Variants in PLA2G1B observed in about 807,000 individuals in gnomAD.
The protein encoded by PLA2G1B is phospholipase A2.
PLA2G1B carries 12 observed loss-of-function variants against 12.5 expected under a neutral mutation model. The observed-to-expected ratio is 0.96, with a 90% CI of 0.62 to 1.56. PLA2G1B has a LOEUF of 1.56. Ranked by LOEUF, PLA2G1B falls within the 40% of genes most tolerant of loss-of-function variation. The probability of loss-of-function intolerance (pLI) is 0.00; values close to 1 mark genes in which losing one functional copy is unlikely to be tolerated. For missense variants in PLA2G1B, 189 were observed against 186.7 expected, an observed-to-expected ratio of 1.01 and a Z score of -0.07; for synonymous variants, 81 against 73.4, an observed-to-expected ratio of 1.10 and a Z score of -0.53.
chr12:120,323,915 A>G (rs1191390884), intron 3 of PLA2G1B, among the ~76,000 whole-genome samples: 1 of 152,162 alleles, frequency 6.6e-6, no homozygotes, highest in Admixed American at 6.6e-5. Context: ...TAAAAAAAGA[A>G]AAAGAAAGTT....
chr12:120,325,882 G>T lies in PLA2G1B; in HGVS notation c.173C>A (p.Thr58Asn), dbSNP rs375553961. 8 of 1,613,992 alleles carry T rather than the reference G, an allele frequency of 5.0e-6. No individual in the cohort carries two copies. The highest frequency in any genetic ancestry group is 4.4e-5 in the South Asian group (4 of 91,082). The stretch of plus-strand genomic sequence containing the variant: ...TTACTTGTCCAGTTCATCCACGGGG[G>T]TGCCTGAGCCCCCCAAGCCACAGTA... ...GCYCGLGGSG[T>N]PVDELDKCCQ... The change falls in exon 2 of 4, where the codon ACC becomes AAC. Residue 58 changes from threonine (T) to asparagine (N), a missense_variant. Physicochemically the swap from Thr to Asn is moderately conservative, Grantham distance 65 (BLOSUM62 0). Transcript: ENST00000308366.
In PLA2G1B at chr12:120,325,711, T is replaced by C. The variant is rs1048653634; in HGVS notation, c.194+150A>G. ...GGGTGCGTTCGCTACAGGGTCCTCT[T>C]GGAACATATTTGTTTATTTGACAAG... On this transcript the variant is annotated intron_variant, in intron 2 of 3. Transcript: ENST00000308366. 4.6e-5 allele frequency: 35 copies of C among 755,310 alleles called. 1 individual carries two copies. Among genetic ancestry groups the C allele is most frequent in the Admixed American group, 8.8e-5 (3 of 33,978 alleles). 46.8% of individuals were successfully genotyped at this position (755,310 alleles called of 1,614,324 possible). A position where few individuals can be genotyped will look rare whatever the true frequency, so the allele number is the denominator to read the frequency against.
rs745859847 is a variant in PLA2G1B, at chr12:120,326,003, C to T, written c.52G>A (p.Gly18Ser). The stretch of plus-strand genomic sequence containing the variant: ...TGCCACACGGCCCGAGGGCTGATGC[C>T]GCTGTCGGCGGCGGCCACTGCAAGA... The part of the protein sequence containing the change: ...VLLTVAAADS[G>S]ISPRAVWQFR... The change falls in exon 2 of 4, where the codon GGC becomes AGC. Residue 18 changes from glycine (G) to serine (S), a missense_variant. Gly to Ser is a moderately conservative substitution (Grantham distance 56). Transcript: ENST00000308366. The T allele has an allele frequency of 1.9e-5, 30 of 1,614,014 alleles. 1 individual carries two copies. The Middle Eastern group carries it at 2.5e-3, about 133-fold the overall frequency.
At chr12:120,326,211 A>G in intron 1 of PLA2G1B, 191 bp from the exon 2 acceptor site, 1 of 456,438 alleles carries the variant, frequency 2.2e-6, no homozygotes. Flanking sequence ...TGAAAACTTT[A>G]TATATATAAA....
At chr12:120,325,736 G>T in intron 2 of PLA2G1B, 125 bp downstream of exon 2, 1 of 871,854 alleles carries the variant, frequency 1.1e-6, no homozygotes, top group Non-Finnish European at 1.8e-6. Flanking sequence ...TATTTGACAA[G>T]AGGTGAAAAT....
intron 3 of PLA2G1B, among the ~76,000 whole-genome samples, chr12:120,324,510 T>A (rs149048371): frequency 9.6e-4 from 145 of 151,786 alleles, no homozygotes; most frequent in African/African-American, 3.1e-3. Context: ...TACAAAAAAA[T>A]TTTTTTAATT....
chr12:120,322,324 A>T lies in PLA2G1B; in HGVS notation c.323-7T>A. On this transcript the variant is annotated splice_region_variant and splice_polypyrimidine_tract_variant and intron_variant, in intron 3 of 3. Transcript: ENST00000308366. ...TCACACTCTTTGTTTTTGCCTGGAG[A>T]GGGATGAAAGGAGAGGACTGAGCCA... 6.2e-7 allele frequency: 1 copy of T among 1,613,202 alleles called. No individual in the cohort carries two copies. The highest frequency in any genetic ancestry group is 8.5e-7 in the Non-Finnish European group (1 of 1,179,614).
chr12:120,324,871 T>G (rs1190170694), intron 3 of PLA2G1B, 63 bp downstream of exon 3: 6 of 1,556,830 alleles, frequency 3.9e-6, no homozygotes, highest in Non-Finnish European at 4.4e-6. Context: ...TTGTTACTAT[T>G]ATTTCCCCCC....
At chr12:120,323,494 C>T (rs1353728264) in intron 3 of PLA2G1B, among the ~76,000 whole-genome samples, 1 of 152,114 alleles carries the variant, frequency 6.6e-6, no homozygotes, top group Admixed American at 6.6e-5. Context: ...TCGAACTTCT[C>T]ACCTCAAGTG....
intron 2 of PLA2G1B, among the ~76,000 whole-genome samples, 176 bp downstream of exon 2, chr12:120,325,685 G>C (rs1399215167): frequency 6.6e-6 from 1 of 152,178 alleles, no homozygotes; most frequent in African/African-American, 2.4e-5. Flanking sequence ...CATCTCTAAC[G>C]GGGTGCGTTC....
chr12:120,326,079 C>T, intron 1 of PLA2G1B, 59 bp from the exon 2 acceptor site: 2 of 1,570,526 alleles, frequency 1.3e-6, no homozygotes. Context: ...GGACACACTG[C>T]CTTCCTGCTC....
At chr12:120,325,344 G>A (rs1057181479) in intron 2 of PLA2G1B, among the ~76,000 whole-genome samples, 3 of 151,750 alleles carry the variant, frequency 2.0e-5, no homozygotes, top group Non-Finnish European at 4.4e-5. Context: ...GGTTACAGGC[G>A]CTCGCCACCA....
At chr12:120,326,621 A>ATAC (rs1873356095) in intron 1 of PLA2G1B, among the ~76,000 whole-genome samples, 1 of 135,368 alleles carries the variant, frequency 7.4e-6, no homozygotes, top group African/African-American at 2.6e-5. Context: ...AATAATAATA[A>ATAC]TAATCTCTAA....
Position 120,325,933 on chromosome 12 carries a change from A to G in PLA2G1B, c.122T>C (p.Phe41Ser), listed in dbSNP as rs917208384. 4.3e-6 allele frequency: 7 copies of G among 1,614,000 alleles called. No individual in the cohort carries two copies. The African/African-American group carries it at 9.3e-5, about 22-fold the overall frequency. Residue 41 changes from phenylalanine to serine, a missense_variant, in exon 2 of 4, where the codon TTC becomes TCC. Transcript: ENST00000308366. ...IKCVIPGSDP[F>S]LEYNNYGCYC... ...GCAGCCGTAGTTGTTGTATTCCAAG[A>G]AGGGGTCACTCCCCGGGATCACGCA...
chr12:120,327,648 C>T (rs1873376535), intron 1 of PLA2G1B, 72 bp downstream of exon 1: 4 of 1,441,944 alleles, frequency 2.8e-6, no homozygotes, highest in Non-Finnish European at 3.9e-6. Flanking sequence ...GCCTGTGGCC[C>T]CCATTCCAGA....
chr12:120,327,741 C>A lies in PLA2G1B; in HGVS notation c.13G>T (p.Val5Leu). 3 of 1,613,978 alleles carry A rather than the reference C, an allele frequency of 1.9e-6. No homozygotes were observed. The highest frequency in any genetic ancestry group is 2.5e-6 in the Non-Finnish European group (3 of 1,179,902). ...CTACCTGTGAGCAGCACAGCTAGCACAAGGAGTTTCATCTTGCAGTCAAGG... is the reference window on the plus strand; with the variant it reads ...CTACCTGTGAGCAGCACAGCTAGCAAAAGGAGTTTCATCTTGCAGTCAAGG... Reference protein sequence around the residue: MKLLVLAVLLTVAAA... With the variant: MKLLLLAVLLTVAAA... The change falls in exon 1 of 4, where the codon GTG (valine) becomes TTG (leucine). Residue 5 changes from valine to leucine, a missense_variant. By Grantham distance (32) the Val-to-Leu change is conservative. Transcript: ENST00000308366.
Position 120,324,917 on chromosome 12 carries a change from G to A in PLA2G1B, c.322+17C>T. 1.2e-6 allele frequency: 2 copies of A among 1,613,800 alleles called. No homozygotes were observed. The highest frequency in any genetic ancestry group is 1.7e-6 in the Non-Finnish European group (2 of 1,179,732). On this transcript the variant is annotated intron_variant, in intron 3 of 3. Coordinates refer to ENST00000308366, the MANE Select transcript of PLA2G1B (RefSeq NM_000928.3). The stretch of plus-strand genomic sequence containing the variant: ...GAACCAACTAGAATTCATAGGTCAA[G>A]GAAGGGATAAACCTACTGCTACAGG...
Position 120,325,028 on chromosome 12 carries a change from C to T in PLA2G1B, c.228G>A (p.Gln76=), listed in dbSNP as rs754484049. The change falls in exon 3 of 4, where the codon CAG becomes CAA. Residue 76 remains glutamine, a synonymous_variant. Coordinates refer to ENST00000308366, the MANE Select transcript of PLA2G1B (RefSeq NM_000928.3). ...CCQTHDNCYD[Q]AKKLDSCKFL... ...ATTTACAGCTGTCCAGCTTCTTGGC[C>T]TGGTCATAGCAGTTGTCATGTGTCT... 1.9e-6 allele frequency: 3 copies of T among 1,613,986 alleles called. No individual in the cohort carries two copies. The highest frequency in any genetic ancestry group is 2.2e-5 in the East Asian group (1 of 44,868).
At chr12:120,326,261 CT>C (rs1284418095) in intron 1 of PLA2G1B, among the ~76,000 whole-genome samples, 1 of 141,774 alleles carries the variant, frequency 7.1e-6, no homozygotes, top group East Asian at 2.0e-4. Flanking sequence ...TATATATCTT[CT>C]TCTTTTTCTT....
Sources: gnomAD v4.1 joint callset for allele counts (sites outside exome capture counted in the v4.1 genomes callset) on GRCh38, gnomAD v4.1.1 for gene constraint, MANE v1.5 for transcripts, NCBI Gene and HGNC (gene_info 2026-07-23, HGNC 2026-07-21) for gene names.